Variants in CA14 observed in about 807,000 individuals in gnomAD.
CA14 encodes carbonic anhydrase 14.
Under a neutral mutation model 48.8 loss-of-function variants are expected in CA14, and 44 were observed. The ratio of observed to expected loss-of-function variants is 0.90; its 90% CI spans 0.71 to 1.16. The LOEUF (loss-of-function observed/expected upper bound fraction) is 1.16. CA14 is among the 50% of genes most tolerant of loss of function. The pLI is 0.00. For missense variants in CA14, 386 were observed against 401.0 expected, an observed-to-expected ratio of 0.96 and a Z score of 0.32; for synonymous variants, 154 against 155.0, an observed-to-expected ratio of 0.99 and a Z score of 0.05.
chr1:150,262,792 C>G lies in CA14; in HGVS notation c.496-12C>G. The G allele has an allele frequency of 6.3e-7, 1 of 1,598,936 alleles. No homozygotes were observed. Among genetic ancestry groups the G allele is most frequent in the South Asian group, 1.1e-5 (1 of 90,778 alleles). On this transcript the variant is annotated splice_polypyrimidine_tract_variant and intron_variant, in intron 5 of 10. Coordinates refer to ENST00000369111, the MANE Select transcript of CA14 (RefSeq NM_012113.3). ...ACTCATTCCAAACTCTCTCCCTTTC[C>G]TTCTCTTCCAGGTGGGTGAGACTAA...
Position 150,263,200 on chromosome 1 carries a change from G to GT in CA14, c.720+2dup, listed in dbSNP as rs1560026970. The GT allele has an allele frequency of 3.1e-6, 5 of 1,614,136 alleles. No individual in the cohort carries two copies. The highest frequency in any genetic ancestry group is 3.4e-6 in the Non-Finnish European group (4 of 1,180,016). On this transcript the variant is annotated splice_donor_variant, in intron 7 of 10. Coordinates refer to ENST00000369111, the MANE Select transcript of CA14 (RefSeq NM_012113.3). LOFTEE classifies it high-confidence loss of function. Reference sequence around the variant, plus strand: ...AAGGTCCCAGATTTCAATGGAACAGGTAAGTGGTGGAGAAACGAGGTGAGG... The same window carrying GT: ...AAGGTCCCAGATTTCAATGGAACAGGTTAAGTGGTGGAGAAACGAGGTGAGG...
chr1:150,261,478 T>C lies in CA14; in HGVS notation c.96T>C (p.His32=), dbSNP rs958850147. ...WTYEGPHGQD[H]WPASYPECGN... ...CACCAGGCCCACATGGTCAGGACCA[T>C]TGGCCAGCCTCTTACCCTGAGTGTG... Residue 32 remains histidine (H), a synonymous_variant, in exon 3 of 11, where the codon CAT becomes CAC. Transcript: ENST00000369111. The C allele has an allele frequency of 6.2e-7, 1 of 1,614,078 alleles. No individual in the cohort carries two copies. The highest frequency in any genetic ancestry group is 8.5e-7 in the Non-Finnish European group (1 of 1,179,960).
Position 150,257,969 on chromosome 1 carries a change from C to T in CA14, c.-160C>T, listed in dbSNP as rs1650680045. ...GAACACCGAATCCCCTGGAAGCCCACAGAGACAGAGACAGCAAGAGAAGCA... is the reference window on the plus strand; with the variant it reads ...GAACACCGAATCCCCTGGAAGCCCATAGAGACAGAGACAGCAAGAGAAGCA... On this transcript the variant is annotated 5_prime_UTR_variant, in exon 1 of 11. Transcript: ENST00000369111. 2.1e-6 allele frequency: 1 copy of T among 465,366 alleles called. No homozygotes were observed. Among genetic ancestry groups the T allele is most frequent in the Middle Eastern group, 5.9e-4 (1 of 1,708 alleles). 28.8% of individuals were successfully genotyped at this position (465,366 alleles called of 1,614,324 possible).
intron 6 of CA14, 62 bp downstream of exon 6, chr1:150,262,932 C>A: frequency 3.8e-6 from 6 of 1,581,156 alleles, no homozygotes; most frequent in Non-Finnish European, 5.2e-6. Flanking sequence ...TCCTTAAAAG[C>A]CTTGGGATGA....
Position 150,263,025 on chromosome 1 carries a change from C to T in CA14, c.563-17C>T. On this transcript the variant is annotated splice_polypyrimidine_tract_variant and intron_variant, in intron 6 of 10. Coordinates refer to ENST00000369111, the MANE Select transcript of CA14 (RefSeq NM_012113.3). ...GGCACACTGAAAGGAAGATGAGTCC[C>T]AGTCTGTTCTCCCCAGATCAGAAGA... 6.2e-7 allele frequency: 1 copy of T among 1,613,506 alleles called. No individual in the cohort carries two copies. Among genetic ancestry groups the T allele is most frequent in the South Asian group, 1.1e-5 (1 of 91,000 alleles).
Position 150,264,724 on chromosome 1 carries a change from T to C in CA14, c.*65T>C, listed in dbSNP as rs1273749798. 1.5e-6 allele frequency: 2 copies of C among 1,298,248 alleles called. No individual in the cohort carries two copies. Among genetic ancestry groups the C allele is most frequent in the Non-Finnish European group, 2.2e-6 (2 of 905,962 alleles). The allele number at this position is 1,298,248 out of a possible 1,614,324, so 80.4% of individuals were successfully genotyped here. On this transcript the variant is annotated 3_prime_UTR_variant, in exon 11 of 11. Transcript: ENST00000369111. ...CATGCCTATCAGGAAGCCTCTAAAA[T>C]GGGGTGTAGGATCTGGCCAGAAACA... is the stretch of plus-strand genomic sequence containing the variant.
In CA14 at chr1:150,263,162, C is replaced by T; in HGVS notation, c.683C>T (p.Thr228Ile). The change falls in exon 7 of 11, where the codon ACA becomes ATA. Residue 228 changes from threonine (T) to isoleucine (I), a missense_variant. By Grantham distance (89) the Thr-to-Ile change is moderately conservative (BLOSUM62 -1). Coordinates refer to ENST00000369111, the MANE Select transcript of CA14 (RefSeq NM_012113.3). ...TPPCYQSVLW[T>I]VFYRRSQISM... ...CCTTGCTACCAGAGTGTGCTCTGGACAGTTTTTTATAGAAGGTCCCAGATT... is the reference window on the plus strand; with the variant it reads ...CCTTGCTACCAGAGTGTGCTCTGGATAGTTTTTTATAGAAGGTCCCAGATT... 1.9e-6 allele frequency: 3 copies of T among 1,614,092 alleles called. No homozygotes were observed. Among genetic ancestry groups the T allele is most frequent in the Non-Finnish European group, 2.5e-6 (3 of 1,180,016 alleles).
At chr1:150,261,975 T>G (rs1651076472) in intron 3 of CA14, among the ~76,000 whole-genome samples, 183 bp from the exon 4 acceptor site, 1 of 152,204 alleles carries the variant, frequency 6.6e-6, no homozygotes, top group Non-Finnish European at 1.5e-5. Context: ...ATCATTGCAC[T>G]GACTTGGTCT....
chr1:150,259,983 C>T (rs587596030), intron 1 of CA14, among the ~76,000 whole-genome samples, 168 bp from the exon 2 acceptor site: 2 of 152,334 alleles, frequency 1.3e-5, no homozygotes, highest in East Asian at 3.9e-4. Flanking sequence ...GACCTTTCCA[C>T]AGAGGTGTCC....
Position 150,258,179 on chromosome 1 carries a change from T to G in CA14, c.51T>G (p.Asp17Glu). The change falls in exon 1 of 11, where the codon GAT (aspartate) becomes GAG (glutamate). Residue 17 changes from aspartate to glutamate, a missense_variant. Asp to Glu is a conservative substitution (Grantham distance 45, BLOSUM62 2). Transcript: ENST00000369111. ...AGGTGATTTGGATCCTGGCTGCAGA[T>G]GGGGGTAGGTACAACTAAATGTCTG... ...LLEVIWILAA[D>E]GGQHWTYEGP... 1 of 1,610,714 alleles carries G rather than the reference T, an allele frequency of 6.2e-7. No individual in the cohort carries two copies. The highest frequency in any genetic ancestry group is 1.1e-5 in the South Asian group (1 of 90,670).
intron 9 of CA14, 47 bp downstream of exon 9, chr1:150,263,726 C>T (rs782104131): frequency 1.4e-5 from 23 of 1,612,722 alleles, no homozygotes; most frequent in South Asian, 7.7e-5. Context: ...GTGTCCTCAC[C>T]GAGTGGGGGA....
intron 1 of CA14, 105 bp from the exon 2 acceptor site, chr1:150,260,046 G>C (rs1650862481): frequency 9.2e-7 from 1 of 1,085,472 alleles, no homozygotes; most frequent in Admixed American, 1.9e-5. Context: ...AGAGACTGCA[G>C]AGAGGGAGGT....
Position 150,262,818 on chromosome 1 carries a change from G to A in CA14, c.510G>A (p.Lys170=). The change falls in exon 6 of 11, where the codon AAG becomes AAA. Residue 170 remains lysine, a synonymous_variant. Coordinates refer to ENST00000369111, the MANE Select transcript of CA14 (RefSeq NM_012113.3). ...LGILIEVGET[K]NIAYEHILSH... ...TTCTCTTCCAGGTGGGTGAGACTAA[G>A]AATATAGCTTATGAACACATTCTGA... is the stretch of plus-strand genomic sequence containing the variant. 3.7e-6 allele frequency: 6 copies of A among 1,612,694 alleles called. No individual in the cohort carries two copies. Among genetic ancestry groups the A allele is most frequent in the Non-Finnish European group, 5.1e-6 (6 of 1,178,720 alleles).
Position 150,263,895 on chromosome 1 carries a change from C to A in CA14, c.947+17C>A. 1 of 1,531,414 alleles carries A rather than the reference C, an allele frequency of 6.5e-7. No individual in the cohort carries two copies. Among genetic ancestry groups the A allele is most frequent in the Non-Finnish European group, 9.0e-7 (1 of 1,112,066 alleles). The allele number at this position is 1,531,414 out of a possible 1,614,324, so 94.9% of individuals were successfully genotyped here. The stretch of plus-strand genomic sequence containing the variant: ...AAAGATTCGGTGAGGCCCTACTTTC[C>A]ATTCCTCCAGTCCCTTCTTCTTTTT... On this transcript the variant is annotated intron_variant, in intron 10 of 10. Transcript: ENST00000369111.
At chr1:150,264,371 T>C (rs892022213) in intron 10 of CA14, among the ~76,000 whole-genome samples, 2 of 151,464 alleles carry the variant, frequency 1.3e-5, no homozygotes, top group African/African-American at 4.9e-5. Context: ...CCCAGATAAT[T>C]TTTGTATTTT....
rs1650885859 is a variant in CA14, at chr1:150,260,204, T to C, written c.76+33T>C. Reference sequence around the variant, plus strand: ...GATCTCAAGGCCTCCCGACAACCCTTTCACACTGGGACCTCCTCACCTGGC... The same window carrying C: ...GATCTCAAGGCCTCCCGACAACCCTCTCACACTGGGACCTCCTCACCTGGC... On this transcript the variant is annotated intron_variant, in intron 2 of 10. Coordinates refer to ENST00000369111, the MANE Select transcript of CA14 (RefSeq NM_012113.3). The C allele has an allele frequency of 1.9e-6, 3 of 1,610,896 alleles. 1 individual carries two copies. In the East Asian group the frequency reaches 6.7e-5, roughly 36 times the overall value.
chr1:150,260,588 G>A (rs1442906240), intron 2 of CA14: 7 of 329,110 alleles, frequency 2.1e-5, no homozygotes, highest in Non-Finnish European at 4.1e-5. Flanking sequence ...TGACCCTGGG[G>A]GAGGTGGAAC....
chr1:150,263,850 G>A lies in CA14; in HGVS notation c.919G>A (p.Ala307Thr), dbSNP rs1450908787. ...ILVGCLCLLL[A>T]VYFIARKIRK... ...GGTTGGCTGTCTCTGCCTTCTCCTGGCTGTTTATTTCATTGCTAGAAAGAT... is the reference window on the plus strand; with the variant it reads ...GGTTGGCTGTCTCTGCCTTCTCCTGACTGTTTATTTCATTGCTAGAAAGAT... The change falls in exon 10 of 11, where the codon GCT becomes ACT. Residue 307 changes from alanine (A) to threonine (T), a missense_variant. Coordinates refer to ENST00000369111, the MANE Select transcript of CA14 (RefSeq NM_012113.3). 1.2e-6 allele frequency: 2 copies of A among 1,613,340 alleles called. No homozygotes were observed. The highest frequency in any genetic ancestry group is 1.7e-6 in the Non-Finnish European group (2 of 1,179,770).
Position 150,264,666 on chromosome 1 carries a change from T to A in CA14, c.*7T>A, listed in dbSNP as rs782612778. ...AGCCACGACTGAGGCATAAATTCCT[T>A]CTCAGATACCATGGATGTGGATGAC... On this transcript the variant is annotated 3_prime_UTR_variant, in exon 11 of 11. Coordinates refer to ENST00000369111, the MANE Select transcript of CA14 (RefSeq NM_012113.3). 2.8e-5 allele frequency: 45 copies of A among 1,610,554 alleles called. No individual in the cohort carries two copies. In the Middle Eastern group the frequency reaches 1.5e-3, roughly 53 times the overall value.
Sources: gnomAD v4.1 joint callset for allele counts (sites outside exome capture counted in the v4.1 genomes callset) on GRCh38, gnomAD v4.1.1 for gene constraint, MANE v1.5 for transcripts, NCBI Gene and HGNC (gene_info 2026-07-23, HGNC 2026-07-21) for gene names.